Variants in POFUT2 observed in about 807,000 individuals in gnomAD.
The protein encoded by POFUT2 is GDP-fucose protein O-fucosyltransferase 2.
Under a neutral mutation model 55.0 loss-of-function variants are expected in POFUT2, and 30 were observed. That is an observed-to-expected ratio of 0.55 (90% CI 0.41 to 0.74). The LOEUF (loss-of-function observed/expected upper bound fraction) is 0.74. Among genes scored for constraint, POFUT2 ranks in the 30% least tolerant of loss-of-function variants. POFUT2 has a pLI of 0.00. For missense variants in POFUT2, 524 were observed against 562.6 expected (o/e 0.93, Z 0.69); for synonymous variants, 267 against 231.1 (o/e 1.16, Z -1.41).
intron 6 of POFUT2, among the ~76,000 whole-genome samples, chr21:45,271,011 A>G (rs1235400652): frequency 1.3e-5 from 2 of 152,250 alleles, no homozygotes; most frequent in East Asian, 3.8e-4. Flanking sequence ...AAAAGATCAT[A>G]GTAGCTCCCC....
At chr21:45,283,028 C>T (rs2146666307) in intron 3 of POFUT2, 3 of 423,426 alleles carry the variant, frequency 7.1e-6, no homozygotes, top group South Asian at 5.3e-5. Context: ...CTCCAGGCCT[C>T]AGCACAAAGG....
chr21:45,264,275 GTGGC>G lies in POFUT2; in HGVS notation c.*1203_*1206del, dbSNP rs1418130128. ...ACTGTTCCTCTAGCAGATGTGGAAA[GTGGC>G]TGCTCAGTGAGGACTCAGCCCCCAC... On this transcript the variant is annotated 3_prime_UTR_variant, in exon 9 of 9. Transcript: ENST00000349485. 1.3e-5 allele frequency: 2 copies of G among 152,246 alleles called. No individual in the cohort carries two copies. Among genetic ancestry groups the G allele is most frequent in the African/African-American group, 4.8e-5 (2 of 41,448 alleles). The allele number at this position is 152,246 out of a possible 1,614,324, so 9.4% of individuals were successfully genotyped here.
At chr21:45,269,794 TA>T in intron 7 of POFUT2, 44 bp downstream of exon 7, 1 of 1,549,408 alleles carries the variant, frequency 6.5e-7, no homozygotes, top group Non-Finnish European at 8.7e-7. Context: ...ATAAAAAAAA[TA>T]AATTAAAAGA....
At chr21:45,268,005 C>T (rs572346456) in intron 7 of POFUT2, among the ~76,000 whole-genome samples, 10 of 151,918 alleles carry the variant, frequency 6.6e-5, no homozygotes, top group African/African-American at 1.9e-4. Flanking sequence ...CCTCTCCCCA[C>T]GGTCTCCCTC....
intron 4 of POFUT2, among the ~76,000 whole-genome samples, chr21:45,278,385 CT>C (rs2146621899): frequency 6.6e-6 from 1 of 152,274 alleles, no homozygotes; most frequent in African/African-American, 2.4e-5. Context: ...TTAATGCCTA[CT>C]GTCAACGAAC....
Position 45,282,762 on chromosome 21 carries a change from T to C in POFUT2, c.528-303A>G, listed in dbSNP as rs1204473237. 1.9e-6 allele frequency: 1 copy of C among 526,882 alleles called. No individual in the cohort carries two copies. 32.6% of individuals were successfully genotyped at this position (526,882 alleles called of 1,614,324 possible). On this transcript the variant is annotated intron_variant, in intron 3 of 8. Transcript: ENST00000349485. This position sits in a 1 kb window ranked among gnomAD's most constrained non-coding sequence, Gnocchi z 4.6. The stretch of plus-strand genomic sequence containing the variant: ...TGCACCTTCAGGGCCAGCCTGGCTG[T>C]GACCGTCAGCCAAGTCAACCGCGCC...
At position 45,282,563 on chromosome 21, in the gene POFUT2, C is replaced by T. The variant is rs748012988; in HGVS notation, c.528-104G>A. On this transcript the variant is annotated intron_variant, in intron 3 of 8. Transcript: ENST00000349485. The surrounding 1 kb of genome is among the most constrained non-coding windows in gnomAD (Gnocchi z 4.6). The stretch of plus-strand genomic sequence containing the variant: ...ACACTGTGGCTTGCTCCTGATGAAA[C>T]GCGGCTGCTTTAGGAAAACTTACTG... 3.6e-5 allele frequency: 26 copies of T among 716,572 alleles called. No homozygotes were observed. The highest frequency in any genetic ancestry group is 5.5e-5 in the Non-Finnish European group (22 of 400,386). The allele number at this position is 716,572 out of a possible 1,614,324, so 44.4% of individuals were successfully genotyped here.
At chr21:45,268,361 G>A (rs1232966282) in intron 7 of POFUT2, among the ~76,000 whole-genome samples, 1 of 152,082 alleles carries the variant, frequency 6.6e-6, no homozygotes, top group African/African-American at 2.4e-5. Context: ...CGCCTGCCTT[G>A]GCCTCCCAAA....
intron 5 of POFUT2, 71 bp downstream of exon 5, chr21:45,278,032 T>C: frequency 2.6e-5 from 32 of 1,230,488 alleles, no homozygotes; most frequent in Non-Finnish European, 3.7e-5. Context: ...GTCGACTGTT[T>C]TAAATTTTCA....
rs1569237865 is a variant in POFUT2, at chr21:45,285,938, GA to G, written c.132-11del. 21 of 1,592,514 alleles carry G rather than the reference GA, an allele frequency of 1.3e-5. No individual in the cohort carries two copies. The highest frequency in any genetic ancestry group is 1.7e-5 in the Non-Finnish European group (20 of 1,168,454). ...GTCATACAGAAGATACCTGAGCAGG[GA>G]GAAGGAGGACCACAGGTCTCAAATG... On this transcript the variant is annotated splice_polypyrimidine_tract_variant and intron_variant, in intron 1 of 8. Coordinates refer to ENST00000349485, the MANE Select transcript of POFUT2 (RefSeq NM_133635.6). The surrounding 1 kb of genome is among the most constrained non-coding windows in gnomAD (Gnocchi z 4.9).
In POFUT2 at chr21:45,265,612, G is replaced by C; in HGVS notation, c.1160C>G (p.Ser387Ter). The change falls in exon 9 of 9, where the codon TCA becomes TGA. Residue 387 changes from serine to a stop codon, truncating the protein, a stop_gained. Coordinates refer to ENST00000349485, the MANE Select transcript of POFUT2 (RefSeq NM_133635.6). LOFTEE classifies it high-confidence loss of function. This position sits in a 1 kb window ranked among gnomAD's most constrained non-coding sequence, Gnocchi z 4.6. ...CTCATGAATCCGAAAAGAAAATGTT[G>C]AGACTGAGGTGCCAATAAAAAACCT... ...HARFFIGTSV[S>*]TFSFRIHEER... is the part of the protein sequence containing the mutation. 1 of 1,613,422 alleles carries C rather than the reference G, an allele frequency of 6.2e-7. No individual in the cohort carries two copies. The highest frequency in any genetic ancestry group is 8.5e-7 in the Non-Finnish European group (1 of 1,179,794).
intron 1 of POFUT2, among the ~76,000 whole-genome samples, chr21:45,287,313 C>G (rs2031555624): frequency 1.3e-5 from 1 of 74,212 alleles, no homozygotes; most frequent in Non-Finnish European, 2.7e-5. Flanking sequence ...TCCCATCCCA[C>G]CCCTCCTGGC....
At chr21:45,266,091 C>A in intron 8 of POFUT2, 1 of 1,323,358 alleles carries the variant, frequency 7.6e-7, no homozygotes, top group Non-Finnish European at 1.0e-6. Context: ...GAGGTCAAGG[C>A]CCCCTCCACA....
intron 3 of POFUT2, chr21:45,283,057 C>T (rs1017028087): frequency 5.6e-5 from 22 of 392,512 alleles, no homozygotes; most frequent in Non-Finnish European, 9.7e-5. Flanking sequence ...CTGTCAAGGA[C>T]GAGGAACGGT....
intron 7 of POFUT2, among the ~76,000 whole-genome samples, chr21:45,268,731 G>A (rs2093183315): frequency 1.3e-5 from 2 of 151,072 alleles, no homozygotes. Flanking sequence ...GAGAAGTGAG[G>A]AGCCTCTCCG....
At chr21:45,274,476 GA>G (rs2093245662) in intron 6 of POFUT2, among the ~76,000 whole-genome samples, 1 of 152,072 alleles carries the variant, frequency 6.6e-6, no homozygotes, top group African/African-American at 2.4e-5. Flanking sequence ...AATTCATATG[GA>G]ACCAAAACAG....
At position 45,270,879 on chromosome 21, in the gene POFUT2, A is replaced by G. The variant is rs182109976; in HGVS notation, c.832-860T>C. 2.8e-4 allele frequency among the ~76,000 whole-genome samples: 42 copies of G among 152,382 alleles called. No homozygotes were observed. The highest frequency in any genetic ancestry group is 2.0e-3 in the Admixed American group (31 of 15,312). ...AGCGCCACAGAGCACCCCGTGGGAT[A>G]AAAGAATCTGAACAGTAGCCCGTGA... On this transcript the variant is annotated intron_variant, in intron 6 of 8. Coordinates refer to ENST00000349485, the MANE Select transcript of POFUT2 (RefSeq NM_133635.6). The surrounding 1 kb of genome is among the most constrained non-coding windows in gnomAD (Gnocchi z 4.6).
chr21:45,279,646 C>G (rs1393274345), intron 4 of POFUT2, among the ~76,000 whole-genome samples: 1 of 152,178 alleles, frequency 6.6e-6, no homozygotes, highest in East Asian at 1.9e-4. Context: ...TGCGGGGACT[C>G]TGAGGACTGC....
In POFUT2 at chr21:45,277,330, A is replaced by C; in HGVS notation, c.706-188T>G. 1 of 745,168 alleles carries C rather than the reference A, an allele frequency of 1.3e-6. No individual in the cohort carries two copies. Among genetic ancestry groups the C allele is most frequent in the Non-Finnish European group, 2.1e-6 (1 of 479,568 alleles). The allele number at this position is 745,168 out of a possible 1,614,324, so 46.2% of individuals were successfully genotyped here. ...GGCTCTTGGAGGGTCTCCTGCATGA[A>C]GCCAACGCAGGGCAAGCCGCCCACC... On this transcript the variant is annotated intron_variant, in intron 5 of 8. Transcript: ENST00000349485. The surrounding 1 kb of genome is among the most constrained non-coding windows in gnomAD (Gnocchi z 6.9).
Sources: allele counts gnomAD v4.1 joint callset (sites outside exome capture counted in the v4.1 genomes callset), GRCh38; gene constraint gnomAD v4.1.1; non-coding constraint Gnocchi (gnomAD v3.1); transcripts MANE v1.5; gene names NCBI Gene and HGNC (gene_info 2026-07-23, HGNC 2026-07-21).